FMN1: variants seen among roughly 807,000 people sequenced by gnomAD.
The protein encoded by FMN1 is formin-1.
In FMN1, 110 loss-of-function variants were observed where a neutral mutation model predicts 132.4. That is an observed-to-expected ratio of 0.83 (90% CI 0.71 to 0.97). The LOEUF is 0.97. Among genes scored for constraint, FMN1 ranks in the 50% least tolerant of loss-of-function variants. FMN1 has a pLI of 0.00. For missense variants in FMN1, 1,792 were observed against 1,705.3 expected (o/e 1.05, Z -0.90); for synonymous variants, 722 against 651.7 (o/e 1.11, Z -1.64).
chr15:33,187,036 G>A (rs556170869), intron 2 of FMN1, among the ~76,000 whole-genome samples: 98 of 152,262 alleles, frequency 6.4e-4, no homozygotes, highest in Non-Finnish European at 1.2e-3. Context: ...CATGTCTACA[G>A]GGACCCCACA....
In FMN1 at chr15:32,862,053, A is replaced by G. The variant is rs560348063; in HGVS notation, c.3836-4946T>C. ...GCCCTCCGACGGTCCCCACAGAGCC[A>G]CGCGCCCCGGAGGCCAGGCAGCTTG... is the stretch of plus-strand genomic sequence containing the variant. On this transcript the variant is annotated intron_variant, in intron 16 of 20. Transcript: ENST00000616417. 7.4e-4 allele frequency among the ~76,000 whole-genome samples: 112 copies of G among 152,318 alleles called. 1 individual carries two copies. The highest frequency in any genetic ancestry group is 6.8e-3 in the Middle Eastern group (2 of 292).
At chr15:33,139,112 C>T (rs762136070) in intron 4 of FMN1, among the ~76,000 whole-genome samples, 1 of 152,138 alleles carries the variant, frequency 6.6e-6, no homozygotes, top group Admixed American at 6.5e-5. Context: ...AAAAAGTAGA[C>T]GTTTAATGTA....
At chr15:33,044,335 AAGCCTGGAGGTTGGGCTGCC>A (rs1433817101) in intron 6 of FMN1, among the ~76,000 whole-genome samples, 1 of 152,204 alleles carries the variant, frequency 6.6e-6, no homozygotes, top group Non-Finnish European at 1.5e-5. Flanking sequence ...GGAAGGTCTG[AAGCCTGGAGGTTGGGCTGCC>A]AGTCCCACAG....
intron 4 of FMN1, among the ~76,000 whole-genome samples, chr15:33,107,541 T>G (rs894966527): frequency 6.6e-6 from 1 of 152,228 alleles, no homozygotes; most frequent in Non-Finnish European, 1.5e-5. Context: ...TCTTGCTGTT[T>G]TGTAATGACA....
At chr15:32,787,429 C>T (rs773463670) in intron 19 of FMN1, among the ~76,000 whole-genome samples, 3 of 152,186 alleles carry the variant, frequency 2.0e-5, no homozygotes, top group Non-Finnish European at 4.4e-5. Flanking sequence ...GCTCTGGCAC[C>T]GACCACCTCC....
chr15:32,983,889 C>T (rs1023524675), intron 7 of FMN1, among the ~76,000 whole-genome samples: 2 of 152,196 alleles, frequency 1.3e-5, no homozygotes, highest in African/African-American at 4.8e-5. Flanking sequence ...TAGTAATCCT[C>T]TAAGATGGTA....
chr15:32,916,167 T>C (rs1024534602), intron 10 of FMN1, among the ~76,000 whole-genome samples: 2 of 152,220 alleles, frequency 1.3e-5, no homozygotes, highest in Non-Finnish European at 2.9e-5. Context: ...ACTATGTGCC[T>C]GCTTTAGGGC....
chr15:32,981,467 G>A (rs928969927), intron 7 of FMN1, among the ~76,000 whole-genome samples: 16 of 150,590 alleles, frequency 1.1e-4, no homozygotes, highest in Non-Finnish European at 2.2e-4. Flanking sequence ...GCAGTGAGCC[G>A]AGATCGCGCC....
At chr15:32,996,891 GA>G (rs1167804533) in intron 7 of FMN1, among the ~76,000 whole-genome samples, 2 of 152,086 alleles carry the variant, frequency 1.3e-5, no homozygotes, top group Non-Finnish European at 2.9e-5. Flanking sequence ...GCCTGTTAAG[GA>G]ATCAGCAGTG....
intron 9 of FMN1, among the ~76,000 whole-genome samples, chr15:32,938,827 T>C (rs1013073048): frequency 6.6e-6 from 1 of 152,256 alleles, no homozygotes; most frequent in Non-Finnish European, 1.5e-5. Context: ...GCATTTTTAA[T>C]GATTTTTATT....
Position 33,154,889 on chromosome 15 carries a change from T to C in FMN1, c.26A>G (p.Gln9Arg). Reference sequence around the variant, plus strand: ...GAGTTCCGTAATGGGCTTATGCAATTGGAGGGTACAATGAGTGCCTTCCAT... The same window carrying C: ...GAGTTCCGTAATGGGCTTATGCAATCGGAGGGTACAATGAGTGCCTTCCAT... MEGTHCTL[Q>R]LHKPITELCY... Residue 9 changes from glutamine to arginine, a missense_variant, in exon 4 of 21, where the codon CAA becomes CGA. Coordinates refer to ENST00000616417, the MANE Select transcript of FMN1 (RefSeq NM_001277313.2). The C allele has an allele frequency of 6.5e-7, 1 of 1,535,676 alleles. No individual in the cohort carries two copies. The highest frequency in any genetic ancestry group is 8.7e-7 in the Non-Finnish European group (1 of 1,146,664).
intron 10 of FMN1, among the ~76,000 whole-genome samples, chr15:32,921,053 A>G (rs1453610805): frequency 6.6e-6 from 1 of 152,212 alleles, no homozygotes; most frequent in East Asian, 1.9e-4. Context: ...CTCAGAGCTT[A>G]TATTCTCGTG....
intron 4 of FMN1, among the ~76,000 whole-genome samples, chr15:33,097,497 C>A (rs1254813043): frequency 6.6e-6 from 1 of 151,906 alleles, no homozygotes; most frequent in Non-Finnish European, 1.5e-5. Flanking sequence ...GATAAAAAGA[C>A]AATTATAAAA....
intron 9 of FMN1, among the ~76,000 whole-genome samples, chr15:32,934,853 C>T (rs62000621): frequency 3.0e-4 from 45 of 151,582 alleles, no homozygotes; most frequent in Middle Eastern, 3.4e-3. Flanking sequence ...GTGATCCACC[C>T]GCCTCGGCCT....
At chr15:33,179,383 T>C (rs1004480618) in intron 3 of FMN1, among the ~76,000 whole-genome samples, 27 of 152,288 alleles carry the variant, frequency 1.8e-4, no homozygotes, top group African/African-American at 6.0e-4. Flanking sequence ...GATTCTAACA[T>C]AAACTGAAAA....
intron 16 of FMN1, among the ~76,000 whole-genome samples, chr15:32,866,786 T>G (rs2059402273): frequency 6.6e-6 from 1 of 152,210 alleles, no homozygotes; most frequent in Non-Finnish European, 1.5e-5. Context: ...TTGTATCTCC[T>G]TCGCTGACAA....
chr15:32,816,410 G>A (rs1246084696), intron 17 of FMN1, among the ~76,000 whole-genome samples: 2 of 152,164 alleles, frequency 1.3e-5, no homozygotes, highest in Admixed American at 1.3e-4. Context: ...AGAGTCAGAA[G>A]GTAACATACC....
At chr15:32,974,051 C>CA (rs1032099111) in intron 7 of FMN1, among the ~76,000 whole-genome samples, 2 of 152,172 alleles carry the variant, frequency 1.3e-5, no homozygotes, top group African/African-American at 4.8e-5. Flanking sequence ...CAGTCCCTTA[C>CA]AAAGGAAACT....
chr15:32,857,225 G>C (rs1338672423), intron 16 of FMN1, 118 bp from the exon 17 acceptor site: 4 of 744,554 alleles, frequency 5.4e-6, no homozygotes, highest in Non-Finnish European at 2.3e-6. Context: ...GTCAACCACT[G>C]TTGGTCCAAA....
Sources: allele counts gnomAD v4.1 joint callset (sites outside exome capture counted in the v4.1 genomes callset), GRCh38; gene constraint gnomAD v4.1.1; transcripts MANE v1.5; gene names NCBI Gene and HGNC (gene_info 2026-07-23, HGNC 2026-07-21).